The following SYNRG variants were observed in gnomAD, a reference collection of about 807,000 sequenced individuals.
SYNRG encodes synergin gamma, also known as AP1 gamma subunit binding protein 1.
Under a neutral mutation model 130.9 loss-of-function variants are expected in SYNRG, and 37 were observed. That is an observed-to-expected ratio of 0.28 (90% confidence interval 0.22 to 0.37). The LOEUF (loss-of-function observed/expected upper bound fraction) is 0.37, where lower values mean the gene tolerates loss of function less well. Among genes scored for constraint, SYNRG ranks in the 10% least tolerant of loss-of-function variants. The pLI is 1.00. For synonymous variants in SYNRG, 539 were observed against 568.1 expected, an observed-to-expected ratio of 0.95 and a Z score of 0.73; for missense variants, 1,338 against 1,588.9, an observed-to-expected ratio of 0.84 and a Z score of 2.68.
chr17:37,594,681 C>T (rs567628936), intron 3 of SYNRG, among the ~76,000 whole-genome samples: 86 of 152,146 alleles, frequency 5.7e-4, no homozygotes, highest in African/African-American at 2.0e-3. Context: ...AGGCTGGTCT[C>T]GATCTCCTGA....
intron 6 of SYNRG, among the ~76,000 whole-genome samples, chr17:37,581,537 CAA>C (rs922185818): frequency 3.3e-5 from 5 of 152,092 alleles, no homozygotes; most frequent in Non-Finnish European, 7.3e-5. Context: ...CTTGGTCTCC[CAA>C]AGTGTTGGGA....
intron 14 of SYNRG, among the ~76,000 whole-genome samples, chr17:37,547,733 G>C (rs1223054331): frequency 1.3e-5 from 2 of 152,178 alleles, no homozygotes; most frequent in Non-Finnish European, 2.9e-5. Context: ...AAAGTGCTGG[G>C]ATTACAGGCG....
intron 14 of SYNRG, among the ~76,000 whole-genome samples, chr17:37,550,222 TTC>T (rs940908220): frequency 6.6e-6 from 1 of 152,200 alleles, no homozygotes; most frequent in African/African-American, 2.4e-5. Context: ...GCAATAAATG[TTC>T]TTTCTCCCTA....
intron 19 of SYNRG, among the ~76,000 whole-genome samples, chr17:37,529,316 A>G (rs1046531662): frequency 6.6e-6 from 1 of 152,164 alleles, no homozygotes; most frequent in Non-Finnish European, 1.5e-5. Context: ...CTCTTTAAAA[A>G]GGTCTGGATA....
At chr17:37,523,591 G>A (rs2055425620) in intron 19 of SYNRG, among the ~76,000 whole-genome samples, 1 of 152,242 alleles carries the variant, frequency 6.6e-6, no homozygotes. Flanking sequence ...AATCTCAGGT[G>A]GGAGCCTAGA....
At chr17:37,565,497 G>C (rs1192579039) in intron 11 of SYNRG, among the ~76,000 whole-genome samples, 15 of 151,754 alleles carry the variant, frequency 9.9e-5, no homozygotes, top group African/African-American at 3.4e-4. Context: ...GTCTCTGCCT[G>C]GCCGCCCATC....
chr17:37,609,090 CG>C (rs2064140634), intron 1 of SYNRG, among the ~76,000 whole-genome samples, 188 bp downstream of exon 1: 1 of 151,970 alleles, frequency 6.6e-6, no homozygotes, highest in Non-Finnish European at 1.5e-5. Flanking sequence ...CAACTGATCC[CG>C]GAACACCAGC....
chr17:37,525,694 G>A (rs1047299694), intron 19 of SYNRG, among the ~76,000 whole-genome samples: 8 of 152,032 alleles, frequency 5.3e-5, no homozygotes, highest in Non-Finnish European at 1.0e-4. Context: ...AATGCCGGGA[G>A]CGGTGGCTCA....
At chr17:37,529,999 C>G (rs1466356987) in intron 19 of SYNRG, 6 of 684,384 alleles carry the variant, frequency 8.8e-6, no homozygotes, top group Non-Finnish European at 1.2e-5. Flanking sequence ...ACTCTACAGT[C>G]CTGGTATATA....
rs1472105216 is a variant in SYNRG, at chr17:37,540,826, G to A, written c.3203-283C>T. 21 of 833,326 alleles carry A rather than the reference G, an allele frequency of 2.5e-5. No homozygotes were observed. In the South Asian group the frequency reaches 5.4e-4, roughly 21 times the overall value. The allele number at this position is 833,326 out of a possible 1,614,324, so 51.6% of individuals were successfully genotyped here. A position where few individuals can be genotyped will look rare whatever the true frequency, so the allele number is the denominator to read the frequency against. ...ATTTTTGTATTTTTAGTAGATACACGGTTTCATTGTGTTGGCCAGGCTGGT... is the reference window on the plus strand; with the variant it reads ...ATTTTTGTATTTTTAGTAGATACACAGTTTCATTGTGTTGGCCAGGCTGGT... On this transcript the variant is annotated intron_variant, in intron 15 of 21. Transcript: ENST00000612223.
chr17:37,541,574 AG>A (rs2057764908), intron 15 of SYNRG: 1 of 200,250 alleles, frequency 5.0e-6, no homozygotes, highest in South Asian at 1.3e-4. Context: ...TGTGATATGC[AG>A]GCTAGATGCA....
chr17:37,536,199 T>C (rs1568300932), intron 18 of SYNRG, 72 bp from the exon 19 acceptor site: 2 of 1,490,750 alleles, frequency 1.3e-6, no homozygotes, highest in Non-Finnish European at 8.9e-7. Flanking sequence ...GGGAGCATTA[T>C]TGCTTGCTGA....
chr17:37,554,142 AT>A (rs2058922053), intron 13 of SYNRG, 83 bp from the exon 14 acceptor site: 3 of 1,294,372 alleles, frequency 2.3e-6, no homozygotes, highest in Non-Finnish European at 3.2e-6. Flanking sequence ...TGCAAGCATA[AT>A]TTTACTGACT....
chr17:37,528,124 A>C (rs1169589412), intron 19 of SYNRG, among the ~76,000 whole-genome samples: 1 of 152,248 alleles, frequency 6.6e-6, no homozygotes, highest in African/African-American at 2.4e-5. Flanking sequence ...TGTCAGTTTC[A>C]GTCAAGTTTC....
At chr17:37,525,516 CCA>C (rs1477995154) in intron 19 of SYNRG, among the ~76,000 whole-genome samples, 1 of 152,208 alleles carries the variant, frequency 6.6e-6, no homozygotes, top group Non-Finnish European at 1.5e-5. Context: ...CTGTAACTTG[CCA>C]CAGTCAATAA....
In SYNRG at chr17:37,520,223, AC is replaced by A; in HGVS notation, c.3778-10del. On this transcript the variant is annotated splice_polypyrimidine_tract_variant and intron_variant, in intron 20 of 21. Transcript: ENST00000612223. ...GCAGGCTTCTCTTCTTTCTGAAATA[AC>A]GTTGAAACCACAGGTCAACAACATT... is the stretch of plus-strand genomic sequence containing the variant. The A allele has an allele frequency of 6.2e-7, 1 of 1,614,200 alleles. No individual in the cohort carries two copies. Among genetic ancestry groups the A allele is most frequent in the Non-Finnish European group, 8.5e-7 (1 of 1,180,030 alleles).
chr17:37,521,874 A>G (rs2143721442), intron 19 of SYNRG, among the ~76,000 whole-genome samples: 1 of 152,214 alleles, frequency 6.6e-6, no homozygotes, highest in South Asian at 2.1e-4. Flanking sequence ...ATTCACCATA[A>G]TAAGACACGT....
At position 37,580,775 on chromosome 17, in the gene SYNRG, T is replaced by C. The variant is rs537234457; in HGVS notation, c.590-3162A>G. Among the ~76,000 whole-genome samples the C allele has an allele frequency of 7.2e-5, 11 of 152,168 alleles. No individual in the cohort carries two copies. The South Asian group carries it at 2.3e-3, about 32-fold the overall frequency. ...GTCTTGAACTCCTGACCTCATGATCTACCTGCCTTGGCCTCCCAAAGTGCT... is the reference window on the plus strand; with the variant it reads ...GTCTTGAACTCCTGACCTCATGATCCACCTGCCTTGGCCTCCCAAAGTGCT... On this transcript the variant is annotated intron_variant, in intron 6 of 21. Transcript: ENST00000612223.
At position 37,609,329 on chromosome 17, in the gene SYNRG, A is replaced by T; in HGVS notation, c.27T>A (p.Ser9=). 6.8e-7 allele frequency: 1 copy of T among 1,469,492 alleles called. No homozygotes were observed. The highest frequency in any genetic ancestry group is 9.0e-7 in the Non-Finnish European group (1 of 1,117,102). The allele number at this position is 1,469,492 out of a possible 1,614,324, so 91.0% of individuals were successfully genotyped here. The change falls in exon 1 of 22, where the codon TCT becomes TCA. Residue 9 remains serine, a synonymous_variant. Transcript: ENST00000612223. MALRPGAG[S]GGGGAAGAGA... Reference sequence around the variant, plus strand: ...CAGCTCCCGCGGCCCCGCCGCCACCAGAACCAGCTCCTGGCCGCAGCGCCA... The same window carrying T: ...CAGCTCCCGCGGCCCCGCCGCCACCTGAACCAGCTCCTGGCCGCAGCGCCA...
Sources: gnomAD v4.1 joint callset for allele counts (sites outside exome capture counted in the v4.1 genomes callset) on GRCh38, gnomAD v4.1.1 for gene constraint, MANE v1.5 for transcripts, NCBI Gene and HGNC (gene_info 2026-07-23, HGNC 2026-07-21) for gene names.